Variants in PRKN observed in about 807,000 individuals in gnomAD.
PRKN encodes the protein E3 ubiquitin-protein ligase parkin.
In PRKN, 56 loss-of-function variants were observed where a neutral mutation model predicts 59.5. The ratio of observed to expected loss-of-function variants is 0.94; its 90% CI spans 0.76 to 1.18. The LOEUF (loss-of-function observed/expected upper bound fraction) is 1.18, where lower values mean the gene tolerates loss of function less well. PRKN is among the 50% of genes most tolerant of loss of function. The probability of loss-of-function intolerance (pLI) is 0.00; values close to 1 mark genes in which losing one functional copy is unlikely to be tolerated. For missense variants in PRKN, 657 were observed against 596.4 expected, an observed-to-expected ratio of 1.10 and a Z score of -1.06; for synonymous variants, 250 against 222.1, an observed-to-expected ratio of 1.13 and a Z score of -1.12.
At chr6:161,900,805 AAAT>A (rs1462739274) in intron 6 of PRKN, among the ~76,000 whole-genome samples, 289 of 140,520 alleles carry the variant, frequency 2.1e-3, no homozygotes, top group Middle Eastern at 3.7e-3. Context: ...ATATATAATA[AAAT>A]AATATGTAAT....
chr6:161,603,348 T>C (rs553903316), intron 7 of PRKN, among the ~76,000 whole-genome samples: 1 of 152,248 alleles, frequency 6.6e-6, no homozygotes, highest in Non-Finnish European at 1.5e-5. Flanking sequence ...TTAGTTATAT[T>C]GTTCTGAACT....
At chr6:162,273,672 GT>G (rs1182889823) in intron 2 of PRKN, among the ~76,000 whole-genome samples, 6 of 152,122 alleles carry the variant, frequency 3.9e-5, no homozygotes, top group African/African-American at 1.4e-4. Flanking sequence ...TGATGTTGGA[GT>G]TGAAATAAAG....
At position 161,551,130 on chromosome 6, in the gene PRKN, G is replaced by T. The variant is rs578256512; in HGVS notation, c.934-2127C>A. 7.9e-5 allele frequency among the ~76,000 whole-genome samples: 12 copies of T among 152,146 alleles called. No individual in the cohort carries two copies. The highest frequency in any genetic ancestry group is 2.4e-4 in the African/African-American group (10 of 41,430). On this transcript the variant is annotated intron_variant, in intron 8 of 11. Coordinates refer to ENST00000366898, the MANE Select transcript of PRKN (RefSeq NM_004562.3). The surrounding 1 kb of genome is among the most constrained non-coding windows in gnomAD (Gnocchi z 5.2). ...TGTCATAAGCTGTGCAATTACCAGA[G>T]GATACAATGAAGATATTTCATCAGG...
At chr6:162,257,842 T>C (rs547311969) in intron 3 of PRKN, among the ~76,000 whole-genome samples, 4 of 152,248 alleles carry the variant, frequency 2.6e-5, no homozygotes, top group African/African-American at 9.6e-5. Flanking sequence ...GCAGCCAGCA[T>C]GAGGCTTCCT....
chr6:162,079,321 A>G (rs1396946531), intron 4 of PRKN, among the ~76,000 whole-genome samples: 2 of 152,184 alleles, frequency 1.3e-5, no homozygotes, highest in African/African-American at 4.8e-5. Flanking sequence ...TCCGTTGCCC[A>G]ACTCAAAAGG....
chr6:161,669,794 C>A (rs1784845912), intron 7 of PRKN, among the ~76,000 whole-genome samples: 1 of 152,234 alleles, frequency 6.6e-6, no homozygotes, highest in Non-Finnish European at 1.5e-5. Context: ...CATCTATTAA[C>A]TCATATCATC....
chr6:161,410,681 A>C lies in PRKN; in HGVS notation c.1084-23804T>G, dbSNP rs1403690057. Among the ~76,000 whole-genome samples, 1 of 152,092 alleles carries C rather than the reference A, an allele frequency of 6.6e-6. No individual in the cohort carries two copies. Among genetic ancestry groups the C allele is most frequent in the Non-Finnish European group, 1.5e-5 (1 of 68,016 alleles). On this transcript the variant is annotated intron_variant, in intron 9 of 11. Transcript: ENST00000366898. The surrounding 1 kb of genome is among the most constrained non-coding windows in gnomAD (Gnocchi z 5.3). Reference sequence around the variant, plus strand: ...GAGTTGGGGAAACATGGAATGGAGGATGGGGAGGATGCAGGGAAGAGAATC... The same window carrying C: ...GAGTTGGGGAAACATGGAATGGAGGCTGGGGAGGATGCAGGGAAGAGAATC...
Position 162,053,373 on chromosome 6 carries a change from A to C in PRKN, c.618+718T>G, listed in dbSNP as rs541646527. Among the ~76,000 whole-genome samples the C allele has an allele frequency of 2.0e-5, 3 of 152,324 alleles. No individual in the cohort carries two copies. In the South Asian group the frequency reaches 6.2e-4, roughly 32 times the overall value. On this transcript the variant is annotated intron_variant, in intron 5 of 11. Coordinates refer to ENST00000366898, the MANE Select transcript of PRKN (RefSeq NM_004562.3). The stretch of plus-strand genomic sequence containing the variant: ...GGCAGCATAACAGTATTTACAACTC[A>C]GGAAATGTATACAGTTAGATTACGA...
Position 162,584,246 on chromosome 6 carries a change from CAAAA to C in PRKN, c.8-140777_8-140774del, listed in dbSNP as rs55738318. ...AAAACAAAAAACAAAAAACAAAAAA[CAAAA>C]AAAAAAAAAACACTGACTATATTTA... is the stretch of plus-strand genomic sequence containing the variant. On this transcript the variant is annotated intron_variant, in intron 1 of 11. Coordinates refer to ENST00000366898, the MANE Select transcript of PRKN (RefSeq NM_004562.3). Among the ~76,000 whole-genome samples, 10 of 117,076 alleles carry C rather than the reference CAAAA, an allele frequency of 8.5e-5. 1 individual carries two copies. Among genetic ancestry groups the C allele is most frequent in the East Asian group, 2.2e-4 (1 of 4,612 alleles). 76.8% of individuals were successfully genotyped at this position (117,076 alleles called of 152,430 possible).
intron 1 of PRKN, among the ~76,000 whole-genome samples, chr6:162,632,452 A>G (rs1397820204): frequency 6.6e-6 from 1 of 152,178 alleles, no homozygotes; most frequent in Non-Finnish European, 1.5e-5. Context: ...TGGGAACTAA[A>G]CATTGAACAC....
At chr6:162,561,592 C>T (rs917505024) in intron 1 of PRKN, among the ~76,000 whole-genome samples, 7 of 152,142 alleles carry the variant, frequency 4.6e-5, no homozygotes, top group African/African-American at 1.7e-4. Flanking sequence ...AAAAAAAACC[C>T]GTCCTGAATC....
chr6:161,512,462 C>A (rs1249674988), intron 9 of PRKN, among the ~76,000 whole-genome samples: 1 of 152,212 alleles, frequency 6.6e-6, no homozygotes, highest in East Asian at 1.9e-4. Flanking sequence ...GAACAAACCA[C>A]AAGAAGGGAC....
intron 6 of PRKN, among the ~76,000 whole-genome samples, chr6:161,841,441 C>T (rs1485249088): frequency 6.6e-6 from 1 of 151,996 alleles, no homozygotes; most frequent in African/African-American, 2.4e-5. Context: ...ACTCCACTAC[C>T]CAGGTTCAAG....
At chr6:162,165,905 G>T (rs545905443) in intron 4 of PRKN, among the ~76,000 whole-genome samples, 1 of 151,834 alleles carries the variant, frequency 6.6e-6, no homozygotes, top group Non-Finnish European at 1.5e-5. Flanking sequence ...AAAATTAGCC[G>T]GGTGTGGTGG....
intron 6 of PRKN, among the ~76,000 whole-genome samples, chr6:161,897,699 C>T (rs775812139): frequency 9.2e-5 from 14 of 152,096 alleles, no homozygotes; most frequent in South Asian, 4.1e-4. Flanking sequence ...CTCCCAGTTG[C>T]GGCCGGGCGC....
rs6910912 is a variant in PRKN, at chr6:161,689,715, A to G, written c.871+96057T>C. 4.7e-5 allele frequency among the ~76,000 whole-genome samples: 7 copies of G among 149,556 alleles called. No homozygotes were observed. In the South Asian group the frequency reaches 1.3e-3, roughly 27 times the overall value. ...TGTGAAAGTCATTCTATAAAGAAAA[A>G]TTTTTTTTTTTGAGACAAGAGTTTT... On this transcript the variant is annotated intron_variant, in intron 7 of 11. Coordinates refer to ENST00000366898, the MANE Select transcript of PRKN (RefSeq NM_004562.3).
intron 1 of PRKN, among the ~76,000 whole-genome samples, chr6:162,525,438 C>T (rs955342144): frequency 1.3e-5 from 2 of 152,140 alleles, no homozygotes; most frequent in African/African-American, 4.8e-5. Context: ...CTGGCCACAT[C>T]GCTCACTCCC....
At chr6:162,499,815 C>T (rs981688673) in intron 1 of PRKN, among the ~76,000 whole-genome samples, 1 of 152,108 alleles carries the variant, frequency 6.6e-6, no homozygotes, top group African/African-American at 2.4e-5. Flanking sequence ...CATTCTGTAT[C>T]TTAATTTCAG....
At chr6:162,713,073 G>A (rs1041722178) in intron 1 of PRKN, among the ~76,000 whole-genome samples, 1 of 152,216 alleles carries the variant, frequency 6.6e-6, no homozygotes. Flanking sequence ...AAGTGAATAA[G>A]AAGTGCTACT....
Sources: allele counts gnomAD v4.1 joint callset (sites outside exome capture counted in the v4.1 genomes callset), GRCh38; gene constraint gnomAD v4.1.1; non-coding constraint Gnocchi (gnomAD v3.1); transcripts MANE v1.5; gene names NCBI Gene and HGNC (gene_info 2026-07-23, HGNC 2026-07-21).